The following APCDD1L variants were observed in gnomAD, a reference collection of about 807,000 sequenced individuals.
The protein encoded by APCDD1L is protein APCDD1-like.
Under a neutral mutation model 24.2 loss-of-function variants are expected in APCDD1L, and 21 were observed. That is an observed-to-expected ratio of 0.87 (90% CI 0.61 to 1.25). The LOEUF (loss-of-function observed/expected upper bound fraction) is 1.25, where lower values mean the gene tolerates loss of function less well. Among genes scored for constraint, APCDD1L ranks in the 50% most tolerant of loss-of-function variants. The pLI is 0.00. For synonymous variants in APCDD1L, 321 were observed against 323.6 expected, an observed-to-expected ratio of 0.99 and a Z score of 0.09; for missense variants, 704 against 711.7, an observed-to-expected ratio of 0.99 and a Z score of 0.12.
intron 3 of APCDD1L, among the ~76,000 whole-genome samples, chr20:58,462,449 A>T (rs1353355540): frequency 1.3e-5 from 2 of 152,204 alleles, no homozygotes; most frequent in African/African-American, 2.4e-5. Flanking sequence ...GGTGGAGAAT[A>T]GAGGATTTTT....
intron 1 of APCDD1L, among the ~76,000 whole-genome samples, chr20:58,510,583 C>T (rs892935683): frequency 2.1e-4 from 32 of 152,208 alleles, no homozygotes; most frequent in African/African-American, 6.8e-4. Flanking sequence ...CTGCCCACTT[C>T]GGCCTCCCAA....
chr20:58,462,479 T>C (rs1989627178), intron 3 of APCDD1L, among the ~76,000 whole-genome samples: 1 of 152,122 alleles, frequency 6.6e-6, no homozygotes, highest in African/African-American at 2.4e-5. Flanking sequence ...AATCTCACAG[T>C]GGAAGGTGCG....
chr20:58,512,542 C>T lies in APCDD1L; in HGVS notation c.49+2117G>A, dbSNP rs996191011. Among the ~76,000 whole-genome samples the T allele has an allele frequency of 1.4e-4, 22 of 152,052 alleles. 1 individual carries two copies. The highest frequency in any genetic ancestry group is 4.3e-4 in the African/African-American group (18 of 41,404). ...ATCCTCTGGTGCCAAATGTCAATAG[C>T]GGCGAGGTTAAGAACCCCTAACGTG... is the stretch of plus-strand genomic sequence containing the variant. On this transcript the variant is annotated intron_variant, in intron 1 of 3. Transcript: ENST00000371149.
chr20:58,486,660 A>C (rs1600861970), intron 1 of APCDD1L, among the ~76,000 whole-genome samples: 2 of 152,172 alleles, frequency 1.3e-5, no homozygotes, highest in Non-Finnish European at 1.5e-5. Flanking sequence ...TAAACACTTG[A>C]CCCTGCAAAG....
chr20:58,468,103 T>C (rs113597701), intron 2 of APCDD1L, among the ~76,000 whole-genome samples: 3,878 of 152,182 alleles, frequency 0.025, 166 homozygotes, highest in African/African-American at 0.086. Flanking sequence ...CCTGACCAGG[T>C]CTCATCCTTG....
intron 1 of APCDD1L, among the ~76,000 whole-genome samples, chr20:58,514,237 A>G (rs1382657104): frequency 6.6e-6 from 1 of 152,198 alleles, no homozygotes; most frequent in Non-Finnish European, 1.5e-5. Flanking sequence ...CGCACAGGTC[A>G]GGATTCCGTG....
rs767820246 is a variant in APCDD1L at position 58,467,643 on chromosome 20, T to G, written c.204A>C (p.Pro68=). ...PWISTGCEVR[P]GPEFLTRAYT... ...AGGCGCGGGTCAGGAACTCCGGTCC[T>G]GGGCGCACCTCGCAGCTGCAGGGGT... The change falls in exon 3 of 4, where the codon CCA becomes CCC. Residue 68 remains proline (P), a synonymous_variant. Transcript: ENST00000371149. This position sits in a 1 kb window ranked among gnomAD's most constrained non-coding sequence, Gnocchi z 5.9. 44 of 1,502,092 alleles carry G rather than the reference T, an allele frequency of 2.9e-5. No individual in the cohort carries two copies. The South Asian group carries it at 5.6e-4, about 19-fold the overall frequency. The allele number at this position is 1,502,092 out of a possible 1,614,324, so 93.0% of individuals were successfully genotyped here.
In APCDD1L at chr20:58,467,409, G is replaced by A. The variant is rs369198058; in HGVS notation, c.438C>T (p.Thr146=). The change falls in exon 3 of 4, where the codon ACC becomes ACT. Residue 146 remains threonine, a synonymous_variant. Coordinates refer to ENST00000371149, the MANE Select transcript of APCDD1L (RefSeq NM_153360.3). The surrounding 1 kb of genome is among the most constrained non-coding windows in gnomAD (Gnocchi z 5.9). ...FHSRRALVDV[T]GRLNQTRAGR... Reference sequence around the variant, plus strand: ...CGGCGCGGGTCTGGTTGAGGCGCCCGGTGACGTCGACCAGGGCCCGGCGGC... The same window carrying A: ...CGGCGCGGGTCTGGTTGAGGCGCCCAGTGACGTCGACCAGGGCCCGGCGGC... 4,531 of 1,543,558 alleles carry A rather than the reference G, an allele frequency of 2.9e-3. 10 individuals are homozygous for A. Among genetic ancestry groups the A allele is most frequent in the Non-Finnish European group, 3.5e-3 (4,032 of 1,147,482 alleles).
chr20:58,490,741 C>A (rs1209606565), intron 1 of APCDD1L, among the ~76,000 whole-genome samples: 1 of 152,216 alleles, frequency 6.6e-6, no homozygotes, highest in East Asian at 1.9e-4. Flanking sequence ...AAGGTTCTCA[C>A]ACTCTATATA....
At chr20:58,499,029 C>A (rs1990378741) in intron 1 of APCDD1L, among the ~76,000 whole-genome samples, 1 of 152,172 alleles carries the variant, frequency 6.6e-6, no homozygotes, top group Non-Finnish European at 1.5e-5. Context: ...TGATGCAGAC[C>A]CACAGTAAAA....
At chr20:58,466,862 C>G (rs560165665) in intron 3 of APCDD1L, among the ~76,000 whole-genome samples, 11 of 152,314 alleles carry the variant, frequency 7.2e-5, no homozygotes, top group Middle Eastern at 3.4e-3. Flanking sequence ...GGAGGACTAG[C>G]GTGGGAAGGC....
chr20:58,508,993 CGTGTGTGTGT>C lies in APCDD1L; in HGVS notation c.49+5656_49+5665del, dbSNP rs149764499. Among the ~76,000 whole-genome samples, 2 of 149,326 alleles carry C rather than the reference CGTGTGTGTGT, an allele frequency of 1.3e-5. No homozygotes were observed. Among genetic ancestry groups the C allele is most frequent in the Non-Finnish European group, 1.5e-5 (1 of 67,190 alleles). ...GCGCACGTGTGTGTGCATGTGCATG[CGTGTGTGTGT>C]GTGTGTGTGTGTGTGGAGTCAACGA... On this transcript the variant is annotated intron_variant, in intron 1 of 3. Coordinates refer to ENST00000371149, the MANE Select transcript of APCDD1L (RefSeq NM_153360.3). This position sits in a 1 kb window ranked among gnomAD's most constrained non-coding sequence, Gnocchi z 4.0.
intron 1 of APCDD1L, among the ~76,000 whole-genome samples, chr20:58,476,940 T>C (rs528967210): frequency 6.6e-6 from 1 of 152,340 alleles, no homozygotes; most frequent in Non-Finnish European, 1.5e-5. Flanking sequence ...AGTGCATCCT[T>C]TCCAGGCACC....
intron 1 of APCDD1L, among the ~76,000 whole-genome samples, chr20:58,493,478 A>G (rs952582393): frequency 2.6e-5 from 4 of 152,250 alleles, no homozygotes; most frequent in Admixed American, 2.6e-4. Context: ...GAAGAGAAAA[A>G]TAACTTGCAG....
At chr20:58,513,132 G>A (rs1200425796) in intron 1 of APCDD1L, among the ~76,000 whole-genome samples, 1 of 152,150 alleles carries the variant, frequency 6.6e-6, no homozygotes, top group East Asian at 1.9e-4. Flanking sequence ...ACTCTAGACT[G>A]TTCCATTCCC....
intron 1 of APCDD1L, chr20:58,513,985 C>G: frequency 7.8e-7 from 1 of 1,278,254 alleles, no homozygotes; most frequent in South Asian, 1.3e-5. Flanking sequence ...GGTGACTGGG[C>G]CCCTGTGATG....
At chr20:58,479,287 A>T (rs968796627) in intron 1 of APCDD1L, among the ~76,000 whole-genome samples, 3 of 152,146 alleles carry the variant, frequency 2.0e-5, no homozygotes, top group African/African-American at 7.2e-5. Context: ...TCCCCCCCAT[A>T]CCAAGTCTTC....
chr20:58,460,601 T>C lies in APCDD1L; in HGVS notation c.*189A>G. ...TGGGGACCCGGGCTGTGGGATGTGG[T>C]ATAGGCTTTGCAGGGGTTAAGCTCA... On this transcript the variant is annotated 3_prime_UTR_variant, in exon 4 of 4. Coordinates refer to ENST00000371149, the MANE Select transcript of APCDD1L (RefSeq NM_153360.3). The surrounding 1 kb of genome is among the most constrained non-coding windows in gnomAD (Gnocchi z 4.2). 1.6e-6 allele frequency: 1 copy of C among 631,886 alleles called. No homozygotes were observed. 39.1% of individuals were successfully genotyped at this position (631,886 alleles called of 1,614,324 possible).
chr20:58,485,279 G>T (rs75516881), intron 1 of APCDD1L, among the ~76,000 whole-genome samples: 3,316 of 152,284 alleles, frequency 0.022, 50 homozygotes, highest in Non-Finnish European at 0.034. Flanking sequence ...GCATTAATAT[G>T]TCAATAGATT....
Sources: gnomAD v4.1 joint callset for allele counts (sites outside exome capture counted in the v4.1 genomes callset) on GRCh38, gnomAD v4.1.1 for gene constraint, Gnocchi (gnomAD v3.1) non-coding constraint, MANE v1.5 for transcripts, NCBI Gene and HGNC (gene_info 2026-07-23, HGNC 2026-07-21) for gene names.